Variants in CA2 observed in about 807,000 individuals in gnomAD.
CA2 encodes carbonic anhydrase 2, also known as carbonate dehydratase II.
In CA2, 23 loss-of-function variants were observed where a neutral mutation model predicts 27.8. The observed-to-expected ratio is 0.83, with a 90% confidence interval of 0.59 to 1.17. The LOEUF is 1.17. Ranked by LOEUF, CA2 falls within the 50% of genes most tolerant of loss-of-function variation. CA2 has a pLI of 0.00. For missense variants in CA2, 300 were observed against 314.7 expected, an observed-to-expected ratio of 0.95 and a Z score of 0.35; for synonymous variants, 99 against 114.9, an observed-to-expected ratio of 0.86 and a Z score of 0.88.
At chr8:85,476,484 T>G (rs1472276304) in intron 5 of CA2, among the ~76,000 whole-genome samples, 1 of 152,240 alleles carries the variant, frequency 6.6e-6, no homozygotes, top group African/African-American at 2.4e-5. Flanking sequence ...ACTCACTGGC[T>G]TGAGCCCCTT....
intron 2 of CA2, 87 bp from the exon 3 acceptor site, chr8:85,473,606 T>A (rs1811740954): frequency 2.8e-6 from 2 of 725,066 alleles, no homozygotes; most frequent in African/African-American, 3.5e-5. Context: ...GTTTCATGTG[T>A]GTGTATGTAT....
chr8:85,476,007 A>T, intron 5 of CA2, 147 bp downstream of exon 5: 1 of 697,010 alleles, frequency 1.4e-6, no homozygotes. Flanking sequence ...TTACTTAAAT[A>T]TTTAATTAAC....
At chr8:85,467,111 C>A (rs1377756882) in intron 2 of CA2, among the ~76,000 whole-genome samples, 1 of 152,108 alleles carries the variant, frequency 6.6e-6, no homozygotes, top group African/African-American at 2.4e-5. Flanking sequence ...TAGTTTAAGT[C>A]TTTTTTGGAG....
intron 2 of CA2, among the ~76,000 whole-genome samples, chr8:85,470,978 A>T (rs115184970): frequency 0.026 from 3,946 of 152,244 alleles, 180 homozygotes; most frequent in African/African-American, 0.09. Flanking sequence ...GCTATTTTTT[A>T]AAATTATTTT....
At chr8:85,470,925 T>C (rs1811705473) in intron 2 of CA2, among the ~76,000 whole-genome samples, 1 of 152,088 alleles carries the variant, frequency 6.6e-6, no homozygotes, top group South Asian at 2.1e-4. Context: ...ACCACTGCCA[T>C]GGCTGGATTT....
chr8:85,480,574 C>A (rs977195073), intron 6 of CA2, 96 bp from the exon 7 acceptor site: 4 of 1,264,742 alleles, frequency 3.2e-6, no homozygotes, highest in Non-Finnish European at 4.5e-6. Flanking sequence ...TGAGCCACTG[C>A]GCCTGGCCGG....
chr8:85,464,043 G>T lies in CA2; in HGVS notation c.-39G>T, dbSNP rs1189350775. On this transcript the variant is annotated 5_prime_UTR_variant, in exon 1 of 7. Transcript: ENST00000285379. ...GCGCCCAAGCCGCCGCCGCCAGATC[G>T]GTGCCGATTCCTGCCCTGCCCCGAC... 1 of 1,540,680 alleles carries T rather than the reference G, an allele frequency of 6.5e-7. No individual in the cohort carries two copies. Among genetic ancestry groups the T allele is most frequent in the Non-Finnish European group, 8.7e-7 (1 of 1,145,862 alleles).
intron 2 of CA2, among the ~76,000 whole-genome samples, chr8:85,466,787 T>C (rs908422232): frequency 6.6e-6 from 1 of 152,184 alleles, no homozygotes; most frequent in Non-Finnish European, 1.5e-5. Context: ...AACAGTTCGG[T>C]GATTCTGCTA....
At position 85,481,441 on chromosome 8, in the gene CA2, A is replaced by G. The variant is rs1259493374; in HGVS notation, c.*652A>G. 1 of 152,274 alleles carries G rather than the reference A, an allele frequency of 6.6e-6. No individual in the cohort carries two copies. The highest frequency in any genetic ancestry group is 1.5e-5 in the Non-Finnish European group (1 of 68,050). The allele number at this position is 152,274 out of a possible 1,614,324, so 9.4% of individuals were successfully genotyped here. A position where few individuals can be genotyped will look rare whatever the true frequency, so the allele number is the denominator to read the frequency against. On this transcript the variant is annotated 3_prime_UTR_variant, in exon 7 of 7. Coordinates refer to ENST00000285379, the MANE Select transcript of CA2 (RefSeq NM_000067.3). The stretch of plus-strand genomic sequence containing the variant: ...ATTTCCATTCAGACAATATATCATA[A>G]CTTAATAAATATTGTATTTTAGATA...
chr8:85,477,508 A>G (rs1811821252), intron 6 of CA2, among the ~76,000 whole-genome samples: 1 of 150,348 alleles, frequency 6.7e-6, no homozygotes, highest in African/African-American at 2.4e-5. Context: ...CATTGTAAGG[A>G]TTCAATGAGA....
At position 85,464,131 on chromosome 8, in the gene CA2, G is replaced by T; in HGVS notation, c.34+16G>T. On this transcript the variant is annotated intron_variant, in intron 1 of 6. Coordinates refer to ENST00000285379, the MANE Select transcript of CA2 (RefSeq NM_000067.3). ...AAACACAACGGTGAGTGCCGGCGAC[G>T]GCCAGCGCGGGGGCGCCCCGATCCC... 11 of 1,535,600 alleles carry T rather than the reference G, an allele frequency of 7.2e-6. No homozygotes were observed. The highest frequency in any genetic ancestry group is 9.6e-6 in the Non-Finnish European group (11 of 1,142,660).
rs1031037547 is a variant in CA2, at chr8:85,475,739, T to C, written c.445-59T>C. ...TCTAATAGAGCTACCCAAATAAAAA[T>C]AAAAACTGGTACAGTACCAACTGGG... is the stretch of plus-strand genomic sequence containing the variant. On this transcript the variant is annotated intron_variant, in intron 4 of 6. Coordinates refer to ENST00000285379, the MANE Select transcript of CA2 (RefSeq NM_000067.3). The C allele has an allele frequency of 2.7e-6, 4 of 1,496,958 alleles. No individual in the cohort carries two copies. The African/African-American group carries it at 5.5e-5, about 21-fold the overall frequency. The allele number at this position is 1,496,958 out of a possible 1,614,324, so 92.7% of individuals were successfully genotyped here. A position where few individuals can be genotyped will look rare whatever the true frequency, so the allele number is the denominator to read the frequency against.
chr8:85,473,918 C>T (rs1811747595), intron 3 of CA2, 107 bp downstream of exon 3: 1 of 769,192 alleles, frequency 1.3e-6, no homozygotes, highest in Non-Finnish European at 2.4e-6. Flanking sequence ...CCCAGTGAAC[C>T]ACTTCTTTTA....
chr8:85,465,578 T>C (rs1811617333), intron 2 of CA2, 109 bp downstream of exon 2: 13 of 896,542 alleles, frequency 1.5e-5, no homozygotes, highest in Middle Eastern at 4.2e-4. Context: ...ACAGTTTGTC[T>C]CAGGACTCAA....
intron 2 of CA2, among the ~76,000 whole-genome samples, chr8:85,468,992 G>A (rs1203278335): frequency 6.6e-6 from 1 of 152,006 alleles, no homozygotes; most frequent in Non-Finnish European, 1.5e-5. Flanking sequence ...TTGCTGGAGG[G>A]ACTAAGTAGC....
chr8:85,473,351 T>C (rs1415501467), intron 2 of CA2: 1 of 448,484 alleles, frequency 2.2e-6, no homozygotes, highest in East Asian at 6.6e-5. Flanking sequence ...GAATTTTCTC[T>C]CTCTGGACCT....
chr8:85,472,452 C>T (rs578066899), intron 2 of CA2, among the ~76,000 whole-genome samples: 23 of 152,108 alleles, frequency 1.5e-4, no homozygotes, highest in African/African-American at 5.3e-4. Flanking sequence ...CAAGACGCAA[C>T]TTATTAATTA....
rs1811573992 is a variant in CA2 at position 85,464,033 on chromosome 8, C to G, written c.-49C>G. The G allele has an allele frequency of 6.5e-7, 1 of 1,535,772 alleles. No homozygotes were observed. The highest frequency in any genetic ancestry group is 1.2e-5 in the South Asian group (1 of 83,842). On this transcript the variant is annotated 5_prime_UTR_variant, in exon 1 of 7. Transcript: ENST00000285379. ...CACAGTGCAGGCGCCCAAGCCGCCG[C>G]CGCCAGATCGGTGCCGATTCCTGCC...
intron 2 of CA2, 64 bp from the exon 3 acceptor site, chr8:85,473,629 A>G: frequency 1.3e-6 from 1 of 779,648 alleles, no homozygotes. Context: ...GTGTATACCT[A>G]TGTATATATG....
Sources: gnomAD v4.1 joint callset for allele counts (sites outside exome capture counted in the v4.1 genomes callset) on GRCh38, gnomAD v4.1.1 for gene constraint, MANE v1.5 for transcripts, NCBI Gene and HGNC (gene_info 2026-07-23, HGNC 2026-07-21) for gene names.